Variants in ZNF385B observed in about 807,000 individuals in gnomAD.
The protein encoded by ZNF385B is zinc finger protein 533.
In ZNF385B, 23 loss-of-function variants were observed where a neutral mutation model predicts 39.2. The observed-to-expected ratio is 0.59, with a 90% CI of 0.42 to 0.83. The LOEUF (loss-of-function observed/expected upper bound fraction) is 0.83. Ranked by LOEUF, ZNF385B falls within the 40% of genes least tolerant of loss-of-function variation. The pLI is 0.00. For missense variants in ZNF385B, 552 were observed against 598.9 expected (o/e 0.92, Z 0.82); for synonymous variants, 205 against 222.6 (o/e 0.92, Z 0.70).
At chr2:179,598,093 A>G (rs1295072575) in intron 3 of ZNF385B, among the ~76,000 whole-genome samples, 1 of 152,144 alleles carries the variant, frequency 6.6e-6, no homozygotes, top group Non-Finnish European at 1.5e-5. Flanking sequence ...TTTTTATATT[A>G]GATTCTTTAG....
At chr2:179,487,135 C>T (rs1400506454) in intron 5 of ZNF385B, among the ~76,000 whole-genome samples, 1 of 152,210 alleles carries the variant, frequency 6.6e-6, no homozygotes, top group Non-Finnish European at 1.5e-5. Context: ...TATTTCTTGG[C>T]ATCAGTGCCG....
At chr2:179,833,398 C>T (rs948978280) in intron 1 of ZNF385B, among the ~76,000 whole-genome samples, 3 of 152,084 alleles carry the variant, frequency 2.0e-5, no homozygotes, top group African/African-American at 7.2e-5. Flanking sequence ...AAAACGTATA[C>T]ACAGTATTCT....
At chr2:179,466,104 C>T (rs1188571357) in intron 6 of ZNF385B, among the ~76,000 whole-genome samples, 5 of 152,104 alleles carry the variant, frequency 3.3e-5, no homozygotes, top group Non-Finnish European at 5.9e-5. Context: ...ATGTAAATTA[C>T]GCATATCATT....
In ZNF385B at chr2:179,688,702, T is replaced by C. The variant is rs577351024; in HGVS notation, c.298+80801A>G. ...ACACTTAATATCGACCCTCTAGCAT[T>C]TTTTGAGGATACAATACATTGTTAT... On this transcript the variant is annotated intron_variant, in intron 3 of 9. Coordinates refer to ENST00000410066, the MANE Select transcript of ZNF385B (RefSeq NM_152520.6). Among the ~76,000 whole-genome samples, 3 of 152,248 alleles carry C rather than the reference T, an allele frequency of 2.0e-5. No individual in the cohort carries two copies. The South Asian group carries it at 6.2e-4, about 32-fold the overall frequency.
At chr2:179,715,438 G>T (rs1338488955) in intron 3 of ZNF385B, among the ~76,000 whole-genome samples, 1 of 152,156 alleles carries the variant, frequency 6.6e-6, no homozygotes, top group African/African-American at 2.4e-5. Flanking sequence ...AAGTGTGTTT[G>T]CATGAGGATT....
chr2:179,799,218 C>T (rs942324998), intron 1 of ZNF385B, among the ~76,000 whole-genome samples: 2 of 151,896 alleles, frequency 1.3e-5, no homozygotes, highest in Non-Finnish European at 2.9e-5. Context: ...GCAACATAGT[C>T]GAACGAAAAA....
intron 1 of ZNF385B, among the ~76,000 whole-genome samples, chr2:179,778,511 C>A (rs1468542297): frequency 6.6e-6 from 1 of 152,150 alleles, no homozygotes; most frequent in African/African-American, 2.4e-5. Context: ...TGGATTCCTA[C>A]AAGACAGACC....
chr2:179,517,454 G>A (rs1033084578), intron 5 of ZNF385B, among the ~76,000 whole-genome samples: 1 of 151,592 alleles, frequency 6.6e-6, no homozygotes, highest in Non-Finnish European at 1.5e-5. Context: ...AAAATTCATT[G>A]GACTTTTGAT....
intron 4 of ZNF385B, among the ~76,000 whole-genome samples, chr2:179,530,331 T>C (rs1301627023): frequency 6.6e-6 from 1 of 152,182 alleles, no homozygotes; most frequent in African/African-American, 2.4e-5. Context: ...GAAGAATACT[T>C]GCTGATACTT....
intron 3 of ZNF385B, among the ~76,000 whole-genome samples, chr2:179,667,940 T>A (rs1695387496): frequency 6.6e-6 from 1 of 152,202 alleles, no homozygotes; most frequent in African/African-American, 2.4e-5. Flanking sequence ...GACCTCCTCC[T>A]CCTTAAGTTG....
chr2:179,529,357 A>T (rs2059121169), intron 4 of ZNF385B, among the ~76,000 whole-genome samples: 1 of 152,156 alleles, frequency 6.6e-6, no homozygotes, highest in Non-Finnish European at 1.5e-5. Context: ...ATATGACTGG[A>T]AATCTTTAGG....
rs374146404 is a variant in ZNF385B at position 179,803,329 on chromosome 2, A to G, written c.-154-32657T>C. 4.3e-4 allele frequency among the ~76,000 whole-genome samples: 66 copies of G among 152,314 alleles called. 2 individuals carry two copies. The South Asian group carries it at 0.012, about 29-fold the overall frequency. ...ATGTTTCGTTATACTTAACAAAAAA[A>G]CAGACAAAGTAATCAGTGTGGTATT... On this transcript the variant is annotated intron_variant, in intron 1 of 9. Transcript: ENST00000410066.
At chr2:179,491,250 C>T (rs189690159) in intron 5 of ZNF385B, among the ~76,000 whole-genome samples, 1 of 152,298 alleles carries the variant, frequency 6.6e-6, no homozygotes, top group East Asian at 1.9e-4. Context: ...GACTGCTTAA[C>T]TCTCCATTTA....
At chr2:179,733,633 A>G (rs972581916) in intron 3 of ZNF385B, among the ~76,000 whole-genome samples, 2 of 152,046 alleles carry the variant, frequency 1.3e-5, no homozygotes, top group African/African-American at 2.4e-5. Flanking sequence ...ATACAAAACA[A>G]TTAGCCGGGC....
chr2:179,858,560 A>AT (rs1476517733), intron 1 of ZNF385B, among the ~76,000 whole-genome samples: 2 of 152,078 alleles, frequency 1.3e-5, no homozygotes, highest in East Asian at 1.9e-4. Context: ...ATCCCCAAAA[A>AT]TTTTTTTAAA....
chr2:179,574,299 GT>G (rs1329735930), intron 3 of ZNF385B, among the ~76,000 whole-genome samples: 1 of 152,170 alleles, frequency 6.6e-6, no homozygotes, highest in East Asian at 1.9e-4. Flanking sequence ...CAGATAGGGA[GT>G]ATTGTACTTG....
chr2:179,752,503 T>C (rs1196702780), intron 3 of ZNF385B, among the ~76,000 whole-genome samples: 1 of 152,232 alleles, frequency 6.6e-6, no homozygotes, highest in African/African-American at 2.4e-5. Context: ...CCTTGAGGAA[T>C]TGCCACACTA....
At chr2:179,535,866 G>A (rs573176713) in intron 4 of ZNF385B, among the ~76,000 whole-genome samples, 1 of 152,308 alleles carries the variant, frequency 6.6e-6, no homozygotes, top group East Asian at 1.9e-4. Flanking sequence ...AAAGGAACCA[G>A]AATATTCCAA....
intron 3 of ZNF385B, among the ~76,000 whole-genome samples, chr2:179,747,607 A>C (rs1446154606): frequency 6.6e-6 from 1 of 152,160 alleles, no homozygotes; most frequent in African/African-American, 2.4e-5. Flanking sequence ...ATGCCTAAAA[A>C]TCTTTTTATT....
Sources: allele counts gnomAD v4.1 joint callset (sites outside exome capture counted in the v4.1 genomes callset), GRCh38; gene constraint gnomAD v4.1.1; transcripts MANE v1.5; gene names NCBI Gene and HGNC (gene_info 2026-07-23, HGNC 2026-07-21).